YTHDF3: variants seen among roughly 807,000 people sequenced by gnomAD.
YTHDF3 encodes the protein YTH domain-containing family protein 3.
In YTHDF3, 9 loss-of-function variants were observed where a neutral mutation model predicts 52.5. The observed-to-expected ratio is 0.17, with a 90% CI of 0.10 to 0.30. The LOEUF (loss-of-function observed/expected upper bound fraction) is 0.30. Among genes scored for constraint, YTHDF3 ranks in the 10% least tolerant of loss-of-function variants. The pLI, the probability that YTHDF3 is intolerant of heterozygous loss-of-function variation, is 1.00. For synonymous variants in YTHDF3, 274 were observed against 243.3 expected, an observed-to-expected ratio of 1.13 and a Z score of -1.18; for missense variants, 534 against 715.0, an observed-to-expected ratio of 0.75 and a Z score of 2.89.
intron 3 of YTHDF3, among the ~76,000 whole-genome samples, chr8:63,175,916 C>G (rs75298938): frequency 1.3e-5 from 2 of 151,996 alleles, no homozygotes; most frequent in South Asian, 4.1e-4. Context: ...TTGGTAATGT[C>G]GGTGATAGAA....
chr8:63,189,015 A>G (rs1274922927), intron 4 of YTHDF3: 1 of 152,002 alleles, frequency 6.6e-6, no homozygotes, highest in Non-Finnish European at 1.5e-5. Context: ...CTGGCAAAAT[A>G]TGTTTTTAAA....
chr8:63,196,007 G>A (rs1056259869), intron 4 of YTHDF3, among the ~76,000 whole-genome samples: 6 of 151,958 alleles, frequency 3.9e-5, no homozygotes, highest in African/African-American at 1.2e-4. Context: ...TTGCCATGTC[G>A]CCCAGGTTGG....
intron 4 of YTHDF3, among the ~76,000 whole-genome samples, chr8:63,198,151 T>C (rs914610829): frequency 6.6e-6 from 1 of 152,322 alleles, no homozygotes; most frequent in Admixed American, 6.5e-5. Flanking sequence ...ATAAAATCTC[T>C]AGAATTTTGT....
At chr8:63,202,937 T>G (rs1219912118) in intron 4 of YTHDF3, among the ~76,000 whole-genome samples, 1 of 152,150 alleles carries the variant, frequency 6.6e-6, no homozygotes, top group Non-Finnish European at 1.5e-5. Flanking sequence ...TTTTTATTCT[T>G]TTCTTAATTT....
rs1810345190 is a variant in YTHDF3, at chr8:63,211,056, T to C, written c.*1350T>C. ...ACAGTAGATTTGAATACCTTGATGTTTTGCATTACTTCATTTATGTTTACA... is the reference window on the plus strand; with the variant it reads ...ACAGTAGATTTGAATACCTTGATGTCTTGCATTACTTCATTTATGTTTACA... On this transcript the variant is annotated 3_prime_UTR_variant, in exon 5 of 5. Transcript: ENST00000539294. 6.6e-6 allele frequency: 1 copy of C among 152,560 alleles called. No individual in the cohort carries two copies. Among genetic ancestry groups the C allele is most frequent in the African/African-American group, 2.4e-5 (1 of 41,438 alleles). 9.5% of individuals were successfully genotyped at this position (152,560 alleles called of 1,614,324 possible).
chr8:63,188,983 T>A (rs1808737412), intron 4 of YTHDF3: 1 of 152,000 alleles, frequency 6.6e-6, no homozygotes, highest in Non-Finnish European at 1.5e-5. Context: ...AGTGCTGGGA[T>A]TACAGGCATG....
intron 4 of YTHDF3, among the ~76,000 whole-genome samples, chr8:63,208,686 C>T (rs1349186225): frequency 1.3e-5 from 2 of 152,182 alleles, no homozygotes; most frequent in Non-Finnish European, 2.9e-5. Flanking sequence ...CAATGCTAGT[C>T]ATTTTTTTCA....
At chr8:63,184,050 C>T (rs1040537710) in intron 3 of YTHDF3, among the ~76,000 whole-genome samples, 1 of 152,122 alleles carries the variant, frequency 6.6e-6, no homozygotes, top group African/African-American at 2.4e-5. Flanking sequence ...AAACTGTGTA[C>T]ATGTTCAATA....
chr8:63,170,342 T>G (rs1398922641), intron 2 of YTHDF3, among the ~76,000 whole-genome samples: 1 of 152,164 alleles, frequency 6.6e-6, no homozygotes, highest in East Asian at 1.9e-4. Flanking sequence ...TAAATTCTTG[T>G]TAGGGTATTT....
chr8:63,176,575 C>G (rs1169819404), intron 3 of YTHDF3, among the ~76,000 whole-genome samples: 1 of 151,922 alleles, frequency 6.6e-6, no homozygotes, highest in Non-Finnish European at 1.5e-5. Context: ...CCACTGGGCC[C>G]AGCCCACCTC....
chr8:63,203,408 T>TG (rs1342832095), intron 4 of YTHDF3, among the ~76,000 whole-genome samples: 1 of 152,202 alleles, frequency 6.6e-6, no homozygotes, highest in Non-Finnish European at 1.5e-5. Context: ...TTCTGCCATA[T>TG]GGTATTTGTT....
chr8:63,173,157 A>G (rs1807437973), intron 2 of YTHDF3, among the ~76,000 whole-genome samples: 1 of 148,328 alleles, frequency 6.7e-6, no homozygotes, highest in East Asian at 2.0e-4. Flanking sequence ...AGCCTCTTAG[A>G]AGAGAAATAA....
At chr8:63,205,383 A>C (rs1321603956) in intron 4 of YTHDF3, among the ~76,000 whole-genome samples, 1 of 152,016 alleles carries the variant, frequency 6.6e-6, no homozygotes, top group African/African-American at 2.4e-5. Context: ...TTTTATAATA[A>C]CATCAAAAGT....
intron 4 of YTHDF3, among the ~76,000 whole-genome samples, chr8:63,205,435 T>C (rs977700456): frequency 1.1e-4 from 16 of 151,498 alleles, no homozygotes; most frequent in African/African-American, 3.9e-4. Context: ...TCTTTTTCTT[T>C]CTTTTTTTTT....
In YTHDF3 at chr8:63,209,687, G is replaced by T; in HGVS notation, c.1739G>T (p.Arg580Ile). ...QEEEEAMRRE[R>I]NRNKQ ...TGTGTGTTTTTTTTTTTTCAGGAGAGAAATAGAAACAAACAATAACCGTAT... is the reference window on the plus strand; with the variant it reads ...TGTGTGTTTTTTTTTTTTCAGGAGATAAATAGAAACAAACAATAACCGTAT... Residue 580 changes from arginine (R) to isoleucine (I), a missense_variant, in exon 5 of 5, where the codon AGA becomes ATA. By Grantham distance (97) the Arg-to-Ile change is moderately conservative. Coordinates refer to ENST00000539294, the MANE Select transcript of YTHDF3 (RefSeq NM_152758.6). 6.4e-7 allele frequency: 1 copy of T among 1,566,122 alleles called. No individual in the cohort carries two copies. The highest frequency in any genetic ancestry group is 2.3e-5 in the East Asian group (1 of 44,240).
rs1337298962 is a variant in YTHDF3, at chr8:63,211,626, A to T, written c.*1920A>T. On this transcript the variant is annotated 3_prime_UTR_variant, in exon 5 of 5. Coordinates refer to ENST00000539294, the MANE Select transcript of YTHDF3 (RefSeq NM_152758.6). ...TCTTTTTCTTGGTGCTTTATTAGCA[A>T]CTCTGGATATTTTTATAAAACTAGT... 1 of 152,512 alleles carries T rather than the reference A, an allele frequency of 6.6e-6. No individual in the cohort carries two copies. Among genetic ancestry groups the T allele is most frequent in the African/African-American group, 2.4e-5 (1 of 41,426 alleles). 9.4% of individuals were successfully genotyped at this position (152,512 alleles called of 1,614,324 possible). A position where few individuals can be genotyped will look rare whatever the true frequency, so the allele number is the denominator to read the frequency against.
At chr8:63,202,469 T>C (rs1471628394) in intron 4 of YTHDF3, among the ~76,000 whole-genome samples, 1 of 151,714 alleles carries the variant, frequency 6.6e-6, no homozygotes, top group Admixed American at 6.6e-5. Context: ...ACTCTTTTTT[T>C]TTTTTTTTTG....
At chr8:63,194,584 A>G (rs1381064652) in intron 4 of YTHDF3, among the ~76,000 whole-genome samples, 1 of 152,186 alleles carries the variant, frequency 6.6e-6, no homozygotes, top group Non-Finnish European at 1.5e-5. Context: ...TATTATTAAC[A>G]TGCTTCCCCA....
chr8:63,177,772 T>C (rs1807799677), intron 3 of YTHDF3, among the ~76,000 whole-genome samples: 1 of 151,970 alleles, frequency 6.6e-6, no homozygotes, highest in African/African-American at 2.4e-5. Flanking sequence ...TTTTTTTTTT[T>C]TTTGAAACGG....
Sources: gnomAD v4.1 joint callset for allele counts (sites outside exome capture counted in the v4.1 genomes callset) on GRCh38, gnomAD v4.1.1 for gene constraint, MANE v1.5 for transcripts, NCBI Gene and HGNC (gene_info 2026-07-23, HGNC 2026-07-21) for gene names.